Variants in DLG2 observed in about 807,000 individuals in gnomAD.
DLG2 encodes the protein discs large MAGUK scaffold protein 2.
A neutral mutation model predicts 132.5 loss-of-function variants in DLG2; 45 were observed. The observed-to-expected ratio is 0.34, with a 90% CI of 0.27 to 0.44. The LOEUF (loss-of-function observed/expected upper bound fraction) is 0.44, where lower values mean the gene tolerates loss of function less well. Ranked by LOEUF, DLG2 falls within the 20% of genes least tolerant of loss-of-function variation. The pLI is 1.00. For missense variants in DLG2, 1,045 were observed against 1,196.9 expected (o/e 0.87, Z 1.87); for synonymous variants, 424 against 419.6 (o/e 1.01, Z -0.13).
chr11:84,382,568 T>C (rs761566696), intron 7 of DLG2, among the ~76,000 whole-genome samples: 9 of 152,174 alleles, frequency 5.9e-5, no homozygotes, highest in Non-Finnish European at 1.3e-4. Context: ...CAGTTATCCA[T>C]TGCAAGCCTA....
intron 7 of DLG2, among the ~76,000 whole-genome samples, chr11:84,412,385 T>C (rs952989541): frequency 2.7e-4 from 41 of 151,908 alleles, no homozygotes; most frequent in African/African-American, 9.9e-4. Flanking sequence ...GTGCAAGTTC[T>C]ACACTATTGA....
At chr11:84,131,134 C>T (rs2154217246) in intron 9 of DLG2, among the ~76,000 whole-genome samples, 1 of 151,960 alleles carries the variant, frequency 6.6e-6, no homozygotes, top group East Asian at 1.9e-4. Context: ...AGTGGTAAAG[C>T]TGGTTTTAAA....
At chr11:83,955,583 A>G (rs1476940316) in intron 14 of DLG2, among the ~76,000 whole-genome samples, 1 of 152,148 alleles carries the variant, frequency 6.6e-6, no homozygotes, top group African/African-American at 2.4e-5. Context: ...CTTTTTACCA[A>G]TCAAATGTTG....
intron 17 of DLG2, among the ~76,000 whole-genome samples, chr11:83,794,436 G>GTTTTTTTTTTTTTTTTTTTTTT (rs1566986420): frequency 1.1e-5 from 1 of 90,004 alleles, no homozygotes; most frequent in African/African-American, 5.0e-5. Context: ...ATTTACTATT[G>GTTTTTTTTTTTTTTTTTTTTTT]GTTTTTTTTT....
intron 19 of DLG2, among the ~76,000 whole-genome samples, chr11:83,607,419 G>A (rs1355018706): frequency 6.6e-5 from 10 of 152,120 alleles, no homozygotes; most frequent in Non-Finnish European, 1.3e-4. Context: ...GGGCACTATG[G>A]TGGGGTCTGT....
intron 6 of DLG2, among the ~76,000 whole-genome samples, chr11:84,842,557 T>C (rs965256169): frequency 6.6e-6 from 1 of 152,004 alleles, no homozygotes; most frequent in Non-Finnish European, 1.5e-5. Context: ...AAACGCACTT[T>C]ACTTCATAGG....
chr11:84,751,147 T>A (rs1184059340), intron 6 of DLG2, among the ~76,000 whole-genome samples: 1 of 152,078 alleles, frequency 6.6e-6, no homozygotes, highest in Non-Finnish European at 1.5e-5. Flanking sequence ...CAAAATTGCA[T>A]CCTGGAGGGA....
At chr11:84,908,630 G>T (rs1450080406) in intron 6 of DLG2, among the ~76,000 whole-genome samples, 1 of 151,926 alleles carries the variant, frequency 6.6e-6, no homozygotes, top group South Asian at 2.1e-4. Context: ...TCATCGGAAA[G>T]AAAGACTGGG....
At chr11:84,431,526 A>C (rs888557675) in intron 7 of DLG2, among the ~76,000 whole-genome samples, 6 of 152,028 alleles carry the variant, frequency 3.9e-5, no homozygotes, top group Non-Finnish European at 8.8e-5. Flanking sequence ...CTTTTAATTC[A>C]TTTCATAATG....
At chr11:84,369,663 T>A (rs371687144) in intron 7 of DLG2, among the ~76,000 whole-genome samples, 1 of 152,118 alleles carries the variant, frequency 6.6e-6, no homozygotes, top group African/African-American at 2.4e-5. Flanking sequence ...GCCACAGACA[T>A]GGTTGGAGCA....
At chr11:83,862,365 C>T (rs1400545604) in intron 16 of DLG2, among the ~76,000 whole-genome samples, 1 of 152,026 alleles carries the variant, frequency 6.6e-6, no homozygotes, top group East Asian at 1.9e-4. Flanking sequence ...TTGGATGTTC[C>T]CACTTATTTG....
intron 9 of DLG2, among the ~76,000 whole-genome samples, chr11:84,113,105 G>A (rs751487083): frequency 8.5e-5 from 13 of 152,140 alleles, no homozygotes; most frequent in Non-Finnish European, 1.8e-4. Flanking sequence ...TAGTGGTGCC[G>A]AAGTATGCTA....
chr11:84,973,920 C>T (rs1187917004), intron 6 of DLG2, among the ~76,000 whole-genome samples: 5 of 152,136 alleles, frequency 3.3e-5, no homozygotes, highest in Non-Finnish European at 7.4e-5. Context: ...ACCATTTAAA[C>T]CATAAAAGCC....
intron 3 of DLG2, among the ~76,000 whole-genome samples, chr11:85,381,851 G>A (rs72951951): frequency 0.047 from 7,182 of 152,012 alleles, 220 homozygotes; most frequent in East Asian, 0.095. Flanking sequence ...TAAAGATATA[G>A]ATAAACAGAC....
intron 6 of DLG2, among the ~76,000 whole-genome samples, chr11:84,879,761 G>A (rs1354289442): frequency 6.6e-6 from 1 of 152,054 alleles, no homozygotes; most frequent in Non-Finnish European, 1.5e-5. Flanking sequence ...CAAAAATAGA[G>A]GACCACTACT....
At chr11:83,649,354 G>A (rs1006758635) in intron 18 of DLG2, among the ~76,000 whole-genome samples, 1 of 152,054 alleles carries the variant, frequency 6.6e-6, no homozygotes, top group African/African-American at 2.4e-5. Flanking sequence ...TGCTCAAAGG[G>A]AGAAAGGCTA....
intron 6 of DLG2, among the ~76,000 whole-genome samples, chr11:84,994,139 C>T (rs991907780): frequency 3.3e-5 from 5 of 152,132 alleles, no homozygotes; most frequent in African/African-American, 4.8e-5. Flanking sequence ...TTTCTGTCAA[C>T]ATTTGGGATT....
chr11:85,576,703 G>A (rs538679775), intron 3 of DLG2, among the ~76,000 whole-genome samples: 1 of 152,206 alleles, frequency 6.6e-6, no homozygotes, highest in South Asian at 2.1e-4. Flanking sequence ...TTAAAAGAGT[G>A]AACAAGACAA....
intron 3 of DLG2, among the ~76,000 whole-genome samples, chr11:85,348,711 G>A (rs2083054637): frequency 6.6e-6 from 1 of 151,986 alleles, no homozygotes; most frequent in South Asian, 2.1e-4. Flanking sequence ...AATAGTGCAA[G>A]CCAGAAATTT....
Sources: allele counts gnomAD v4.1 joint callset (sites outside exome capture counted in the v4.1 genomes callset), GRCh38; gene constraint gnomAD v4.1.1; transcripts MANE v1.5; gene names NCBI Gene and HGNC (gene_info 2026-07-23, HGNC 2026-07-21).